The following BNC2 variants were observed in gnomAD, a reference collection of about 807,000 sequenced individuals.
The protein encoded by BNC2 is basonuclin zinc finger protein 2.
Under a neutral mutation model 76.3 loss-of-function variants are expected in BNC2, and 20 were observed. That is an observed-to-expected ratio of 0.26 (90% confidence interval 0.18 to 0.38). The LOEUF (loss-of-function observed/expected upper bound fraction) is 0.38. BNC2 is among the 10% of genes least tolerant of loss of function. The probability of loss-of-function intolerance (pLI) is 1.00; values close to 1 mark genes in which losing one functional copy is unlikely to be tolerated. For missense variants in BNC2, 1,382 were observed against 1,399.8 expected (o/e 0.99, Z 0.20); for synonymous variants, 582 against 514.8 (o/e 1.13, Z -1.77).
rs181969369 is a variant in BNC2, at chr9:16,588,889, C to T, written c.331-5804G>A. ...GTTGTTTCAGTAAATATATAGGGTA[C>T]TTCACAAAAGAACTACACACAAGGC... On this transcript the variant is annotated intron_variant, in intron 3 of 6. Coordinates refer to ENST00000380672, the MANE Select transcript of BNC2 (RefSeq NM_017637.6). Among the ~76,000 whole-genome samples, 8 of 152,280 alleles carry T rather than the reference C, an allele frequency of 5.3e-5. No homozygotes were observed. In the East Asian group the frequency reaches 1.5e-3, roughly 29 times the overall value.
intron 5 of BNC2, among the ~76,000 whole-genome samples, chr9:16,512,771 G>A (rs1822788724): frequency 6.6e-6 from 1 of 152,098 alleles, no homozygotes; most frequent in African/African-American, 2.4e-5. Flanking sequence ...CCATCAATTA[G>A]TTGTTTTACT....
chr9:16,479,176 T>C (rs1821992105), intron 5 of BNC2, among the ~76,000 whole-genome samples: 1 of 147,768 alleles, frequency 6.8e-6, no homozygotes, highest in Non-Finnish European at 1.5e-5. Flanking sequence ...TGCTTGAATC[T>C]GGGAGGCGGA....
At chr9:16,491,776 C>A (rs969221711) in intron 5 of BNC2, among the ~76,000 whole-genome samples, 1 of 152,154 alleles carries the variant, frequency 6.6e-6, no homozygotes, top group African/African-American at 2.4e-5. Flanking sequence ...AGTTTCATCT[C>A]TTTTTAAGTT....
chr9:16,673,435 A>AC (rs1563892010), intron 3 of BNC2, among the ~76,000 whole-genome samples: 23 of 93,436 alleles, frequency 2.5e-4, no homozygotes, highest in African/African-American at 1.1e-3. Flanking sequence ...AGATTTAAAA[A>AC]AAAAAAAAAC....
chr9:16,822,525 G>C (rs1440861063), intron 1 of BNC2, among the ~76,000 whole-genome samples: 1 of 152,052 alleles, frequency 6.6e-6, no homozygotes, highest in Non-Finnish European at 1.5e-5. Context: ...GGCCTTTAAG[G>C]AAAAAATTTA....
intron 5 of BNC2, among the ~76,000 whole-genome samples, chr9:16,491,715 C>T (rs944801157): frequency 6.6e-6 from 1 of 152,142 alleles, no homozygotes; most frequent in Non-Finnish European, 1.5e-5. Flanking sequence ...CATGTGCACT[C>T]GCTCATTAGG....
chr9:16,457,284 A>G (rs1259658466), intron 5 of BNC2, among the ~76,000 whole-genome samples: 2 of 152,128 alleles, frequency 1.3e-5, no homozygotes, highest in East Asian at 1.9e-4. Flanking sequence ...CTCATATGGA[A>G]TCTTATGTAA....
At chr9:16,769,249 C>CT (rs1272777849) in intron 1 of BNC2, among the ~76,000 whole-genome samples, 1 of 152,168 alleles carries the variant, frequency 6.6e-6, no homozygotes, top group Non-Finnish European at 1.5e-5. Flanking sequence ...GGTCTGCAGG[C>CT]TTCATGAGCA....
At chr9:16,748,140 G>A (rs796908890) in intron 1 of BNC2, among the ~76,000 whole-genome samples, 11 of 152,184 alleles carry the variant, frequency 7.2e-5, no homozygotes, top group African/African-American at 2.7e-4. Flanking sequence ...AGGAGAAAGA[G>A]AGAGTAGAAA....
intron 1 of BNC2, among the ~76,000 whole-genome samples, chr9:16,868,799 T>TG (rs1355207624): frequency 6.6e-6 from 1 of 152,122 alleles, no homozygotes; most frequent in Non-Finnish European, 1.5e-5. Flanking sequence ...AGGGATTGTG[T>TG]GTGTGTGTGT....
intron 3 of BNC2, among the ~76,000 whole-genome samples, chr9:16,707,797 A>C (rs1823722762): frequency 6.6e-6 from 1 of 152,058 alleles, no homozygotes; most frequent in Non-Finnish European, 1.5e-5. Flanking sequence ...ATGTGCTACC[A>C]CACCCGGCTA....
intron 3 of BNC2, among the ~76,000 whole-genome samples, chr9:16,705,319 G>A (rs952811305): frequency 7.9e-5 from 12 of 152,190 alleles, no homozygotes; most frequent in Non-Finnish European, 1.5e-4. Flanking sequence ...CCAAGGAACC[G>A]CTTTTTTGGC....
chr9:16,582,967 C>T lies in BNC2; in HGVS notation c.433+16G>A, dbSNP rs1448193050. On this transcript the variant is annotated intron_variant, in intron 4 of 6. Transcript: ENST00000380672. ...AACATAATAAGAACGGGAAGAAAAG[C>T]CCAGATTTTCCTCACCATGTGCCAC... is the stretch of plus-strand genomic sequence containing the variant. 2 of 1,587,832 alleles carry T rather than the reference C, an allele frequency of 1.3e-6. No individual in the cohort carries two copies. Among genetic ancestry groups the T allele is most frequent in the Admixed American group, 1.7e-5 (1 of 59,714 alleles).
At chr9:16,743,799 A>G (rs1225182405) in intron 1 of BNC2, among the ~76,000 whole-genome samples, 2 of 152,188 alleles carry the variant, frequency 1.3e-5, no homozygotes, top group Non-Finnish European at 2.9e-5. Context: ...CCCCCATTCC[A>G]TACCAAGTGA....
At chr9:16,835,407 T>C (rs1286661233) in intron 1 of BNC2, among the ~76,000 whole-genome samples, 2 of 152,146 alleles carry the variant, frequency 1.3e-5, no homozygotes, top group African/African-American at 2.4e-5. Context: ...GTTATAAAAA[T>C]TGTGTACTTG....
intron 1 of BNC2, among the ~76,000 whole-genome samples, chr9:16,771,605 A>G (rs1201848342): frequency 1.3e-5 from 2 of 152,222 alleles, no homozygotes; most frequent in East Asian, 3.9e-4. Context: ...ATAGATTTTA[A>G]AAGCCCACCA....
chr9:16,752,940 T>A (rs1453044759), intron 1 of BNC2, among the ~76,000 whole-genome samples: 1 of 152,180 alleles, frequency 6.6e-6, no homozygotes, highest in African/African-American at 2.4e-5. Flanking sequence ...GGATGCACAG[T>A]TTAATATGAT....
At chr9:16,683,823 C>A (rs1255561505) in intron 3 of BNC2, among the ~76,000 whole-genome samples, 1 of 152,186 alleles carries the variant, frequency 6.6e-6, no homozygotes, top group Non-Finnish European at 1.5e-5. Flanking sequence ...TGGGTCCCAG[C>A]TACTTGACTA....
chr9:16,556,555 GTCAAGAGATCAAGACC>G (rs1818838440), intron 4 of BNC2, among the ~76,000 whole-genome samples: 1 of 151,872 alleles, frequency 6.6e-6, no homozygotes. Context: ...GGATCATGAG[GTCAAGAGATCAAGACC>G]ATTCTGGCCA....
Sources: allele counts gnomAD v4.1 joint callset (sites outside exome capture counted in the v4.1 genomes callset), GRCh38; gene constraint gnomAD v4.1.1; transcripts MANE v1.5; gene names NCBI Gene and HGNC (gene_info 2026-07-23, HGNC 2026-07-21).